Variants in SMCHD1 observed in about 807,000 individuals in gnomAD.
SMCHD1 encodes the protein structural maintenance of chromosomes flexible hinge domain-containing protein 1.
A neutral mutation model predicts 254.7 loss-of-function variants in SMCHD1; 78 were observed. The ratio of observed to expected loss-of-function variants is 0.31; its 90% CI spans 0.26 to 0.37. The LOEUF (loss-of-function observed/expected upper bound fraction) is 0.37. Ranked by LOEUF, SMCHD1 falls within the 10% of genes least tolerant of loss-of-function variation. The pLI, the probability that SMCHD1 is intolerant of heterozygous loss-of-function variation, is 1.00. For missense variants in SMCHD1, 1,840 were observed against 2,408.1 expected (o/e 0.76, Z 4.94); for synonymous variants, 766 against 794.9 (o/e 0.96, Z 0.61).
At chr18:2,726,724 T>C in intron 22 of SMCHD1, 200 bp downstream of exon 22, 1 of 270,358 alleles carries the variant, frequency 3.7e-6, no homozygotes, top group Non-Finnish European at 6.8e-6. Context: ...ACATTCTGAA[T>C]ATAACCTTGG....
rs1420014058 is a variant in SMCHD1 at position 2,803,958 on chromosome 18, A to G, written c.*1406A>G. ...TTCATTAGAAATTGGAAATGCTTCA[A>G]TGAGCATTTCCCTTATGTGTCATAT... On this transcript the variant is annotated 3_prime_UTR_variant, in exon 48 of 48. Transcript: ENST00000320876. 23 of 152,190 alleles carry G rather than the reference A, an allele frequency of 1.5e-4. No individual in the cohort carries two copies. The highest frequency in any genetic ancestry group is 2.1e-4 in the South Asian group (1 of 4,834). The allele number at this position is 152,190 out of a possible 1,614,324, so 9.4% of individuals were successfully genotyped here. A position where few individuals can be genotyped will look rare whatever the true frequency, so the allele number is the denominator to read the frequency against.
chr18:2,789,476 T>A (rs1337959842), intron 45 of SMCHD1, among the ~76,000 whole-genome samples: 1 of 151,532 alleles, frequency 6.6e-6, no homozygotes, highest in African/African-American at 2.4e-5. Context: ...ATTAAACCTT[T>A]AAACCTGTGG....
chr18:2,785,334 T>G (rs62077713), intron 45 of SMCHD1, among the ~76,000 whole-genome samples: 76 of 152,240 alleles, frequency 5.0e-4, no homozygotes, highest in Non-Finnish European at 8.7e-4. Context: ...AACATAAAAT[T>G]TACCATCTTA....
chr18:2,722,799 G>T, intron 20 of SMCHD1, 136 bp downstream of exon 20: 2 of 715,372 alleles, frequency 2.8e-6, no homozygotes, highest in South Asian at 2.9e-5. Flanking sequence ...ATTATATCTG[G>T]GTAATTTAGC....
chr18:2,770,803 T>G (rs560993689), intron 39 of SMCHD1, among the ~76,000 whole-genome samples: 2 of 152,228 alleles, frequency 1.3e-5, no homozygotes, highest in Non-Finnish European at 2.9e-5. Context: ...GTATTTTTAG[T>G]AGAGACGGGG....
chr18:2,784,642 A>G (rs201273370), intron 45 of SMCHD1, 21 bp downstream of exon 45: 661 of 1,541,926 alleles, frequency 4.3e-4, no homozygotes, highest in Non-Finnish European at 4.4e-4. Flanking sequence ...TAAGTACTTA[A>G]ATAGCAATTT....
Position 2,725,058 on chromosome 18 carries a change from G to A in SMCHD1, c.2700+63G>A, listed in dbSNP as rs570719139. On this transcript the variant is annotated intron_variant, in intron 21 of 47. Transcript: ENST00000320876. ...TATTTATTTATCATATGGTAAGAAT[G>A]AAATTGTAAATGAAAAGTGGAATGA... 11 of 1,023,400 alleles carry A rather than the reference G, an allele frequency of 1.1e-5. No homozygotes were observed. The East Asian group carries it at 2.3e-4, about 21-fold the overall frequency. 63.4% of individuals were successfully genotyped at this position (1,023,400 alleles called of 1,614,324 possible).
At chr18:2,752,244 T>C (rs1345438953) in intron 33 of SMCHD1, among the ~76,000 whole-genome samples, 1 of 152,190 alleles carries the variant, frequency 6.6e-6, no homozygotes, top group East Asian at 1.9e-4. Flanking sequence ...TATCTTTAAA[T>C]AATATCACCA....
chr18:2,795,917 A>G, intron 45 of SMCHD1, 32 bp from the exon 46 acceptor site: 1 of 1,537,098 alleles, frequency 6.5e-7, no homozygotes, highest in Non-Finnish European at 8.8e-7. Context: ...TAATAGCAGT[A>G]ATTTAATCAA....
chr18:2,767,584 C>CTTTTTTT (rs397858216), intron 37 of SMCHD1, among the ~76,000 whole-genome samples: 18 of 89,246 alleles, frequency 2.0e-4, no homozygotes, highest in Non-Finnish European at 2.8e-4. Context: ...AACCTATTTC[C>CTTTTTTT]TTTTTTTTTT....
At chr18:2,684,189 GA>G (rs1371034527) in intron 5 of SMCHD1, among the ~76,000 whole-genome samples, 2 of 151,942 alleles carry the variant, frequency 1.3e-5, no homozygotes, top group Non-Finnish European at 2.9e-5. Flanking sequence ...AATTCACCAA[GA>G]ACAGACTCAA....
chr18:2,700,706 T>G, intron 11 of SMCHD1, 29 bp from the exon 12 acceptor site: 1 of 1,605,296 alleles, frequency 6.2e-7, no homozygotes, highest in Non-Finnish European at 8.5e-7. Flanking sequence ...CTTAATTCTT[T>G]TACTAACTAA....
At chr18:2,756,845 T>C (rs1390254609) in intron 34 of SMCHD1, among the ~76,000 whole-genome samples, 2 of 152,212 alleles carry the variant, frequency 1.3e-5, no homozygotes, top group Non-Finnish European at 2.9e-5. Flanking sequence ...TCAAATTTGT[T>C]GTTCATACCG....
chr18:2,723,628 A>G (rs1194198016), intron 20 of SMCHD1, among the ~76,000 whole-genome samples: 1 of 152,168 alleles, frequency 6.6e-6, no homozygotes, highest in Non-Finnish European at 1.5e-5. Flanking sequence ...CTCAGTATCC[A>G]TATGCATTCG....
chr18:2,778,359 A>G, intron 44 of SMCHD1, 120 bp downstream of exon 44: 1 of 656,336 alleles, frequency 1.5e-6, no homozygotes, highest in East Asian at 2.8e-5. Context: ...CTGCAAATTG[A>G]TAAGCAACAT....
intron 17 of SMCHD1, among the ~76,000 whole-genome samples, chr18:2,716,498 G>T (rs599400): frequency 6.6e-6 from 1 of 152,034 alleles, no homozygotes; most frequent in Non-Finnish European, 1.5e-5. Context: ...GTAACTTCCA[G>T]GGGTCCCAGT....
chr18:2,656,517 C>T (rs939338460), intron 1 of SMCHD1, among the ~76,000 whole-genome samples: 2 of 152,214 alleles, frequency 1.3e-5, no homozygotes, highest in Non-Finnish European at 2.9e-5. Context: ...TTACGGGAGG[C>T]CTTGCCGGCC....
chr18:2,774,175 A>G (rs1243903737), intron 41 of SMCHD1, among the ~76,000 whole-genome samples: 1 of 152,102 alleles, frequency 6.6e-6, no homozygotes, highest in African/African-American at 2.4e-5. Context: ...ATGCCCTTCT[A>G]AATAGGTTTT....
intron 21 of SMCHD1, among the ~76,000 whole-genome samples, chr18:2,726,161 A>T (rs1215036159): frequency 6.6e-6 from 1 of 151,928 alleles, no homozygotes; most frequent in Non-Finnish European, 1.5e-5. Flanking sequence ...ATGCCTTTTG[A>T]GAATAAAAAT....
Sources: allele counts gnomAD v4.1 joint callset (sites outside exome capture counted in the v4.1 genomes callset), GRCh38; gene constraint gnomAD v4.1.1; transcripts MANE v1.5; gene names NCBI Gene and HGNC (gene_info 2026-07-23, HGNC 2026-07-21).